DNM3: variants seen among roughly 807,000 people sequenced by gnomAD.
The protein encoded by DNM3 is dynamin-3.
DNM3 carries 47 observed loss-of-function variants against 101.6 expected under a neutral mutation model. That is an observed-to-expected ratio of 0.46 (90% CI 0.37 to 0.59). The LOEUF (loss-of-function observed/expected upper bound fraction) is 0.59, where lower values mean the gene tolerates loss of function less well. Ranked by LOEUF, DNM3 falls within the 20% of genes least tolerant of loss-of-function variation. The pLI, the probability that DNM3 is intolerant of heterozygous loss-of-function variation, is 0.00. For synonymous variants in DNM3, 385 were observed against 387.9 expected (o/e 0.99, Z 0.09); for missense variants, 849 against 1,085.7 (o/e 0.78, Z 3.06).
chr1:172,241,411 T>C (rs886879009), intron 14 of DNM3, among the ~76,000 whole-genome samples: 7 of 152,090 alleles, frequency 4.6e-5, no homozygotes, highest in African/African-American at 1.7e-4. Flanking sequence ...TGCAGGGTAA[T>C]GCCATTGTTC....
At chr1:172,326,482 A>G (rs966924172) in intron 17 of DNM3, among the ~76,000 whole-genome samples, 58 of 152,160 alleles carry the variant, frequency 3.8e-4, no homozygotes, top group African/African-American at 1.3e-3. Flanking sequence ...TGTTTTTTAA[A>G]CTTGTTTCTT....
intron 14 of DNM3, chr1:172,136,909 A>G (rs1361853029): frequency 3.9e-5 from 6 of 151,950 alleles, no homozygotes; most frequent in African/African-American, 1.4e-4. Flanking sequence ...TCTTTCAAGC[A>G]TTTTTTTTGA....
intron 11 of DNM3, among the ~76,000 whole-genome samples, chr1:172,069,187 T>C (rs910299433): frequency 1.3e-5 from 2 of 152,206 alleles, no homozygotes; most frequent in African/African-American, 4.8e-5. Context: ...CAATGCTCCA[T>C]GGATCATGCA....
chr1:172,377,437 G>C (rs1198173114), intron 17 of DNM3, among the ~76,000 whole-genome samples: 2 of 151,412 alleles, frequency 1.3e-5, no homozygotes, highest in East Asian at 1.9e-4. Context: ...GAATGTTTTA[G>C]ATCAGAGAGA....
intron 14 of DNM3, among the ~76,000 whole-genome samples, chr1:172,239,896 G>T (rs774813087): frequency 2.3e-5 from 3 of 132,908 alleles, no homozygotes; most frequent in Non-Finnish European, 4.6e-5. Flanking sequence ...TTTTTTCCCT[G>T]TCCAAAGCCC....
Position 171,890,613 on chromosome 1 carries a change from A to C in DNM3, c.162-31135A>C, listed in dbSNP as rs1001846042. Among the ~76,000 whole-genome samples, 20 of 152,200 alleles carry C rather than the reference A, an allele frequency of 1.3e-4. 1 individual carries two copies. Among genetic ancestry groups the C allele is most frequent in the Non-Finnish European group, 1.5e-5 (1 of 68,024 alleles). On this transcript the variant is annotated intron_variant, in intron 1 of 20. Coordinates refer to ENST00000627582, the MANE Select transcript of DNM3 (RefSeq NM_015569.5). ...ACTTCCACTGGGAAAAGATATCATT[A>C]AGTTGTTTTTTTTTGTTGATACTGT...
chr1:172,066,037 A>G lies in DNM3; in HGVS notation c.1336-2782A>G, dbSNP rs577079426. Reference sequence around the variant, plus strand: ...TGCTATAAAGGTAATGTGCACAGTGACCTCAGGTGACCATACAGAAGCCCC... The same window carrying G: ...TGCTATAAAGGTAATGTGCACAGTGGCCTCAGGTGACCATACAGAAGCCCC... On this transcript the variant is annotated intron_variant, in intron 10 of 20. Coordinates refer to ENST00000627582, the MANE Select transcript of DNM3 (RefSeq NM_015569.5). Among the ~76,000 whole-genome samples, 9 of 152,288 alleles carry G rather than the reference A, an allele frequency of 5.9e-5. No individual in the cohort carries two copies. The East Asian group carries it at 1.7e-3, about 29-fold the overall frequency.
chr1:172,202,827 G>A (rs1197155373), intron 14 of DNM3, among the ~76,000 whole-genome samples: 1 of 152,196 alleles, frequency 6.6e-6, no homozygotes, highest in East Asian at 1.9e-4. Context: ...TTTTAATGTT[G>A]GACTGTAGAC....
intron 1 of DNM3, among the ~76,000 whole-genome samples, chr1:171,911,915 G>T (rs1430109256): frequency 6.6e-6 from 1 of 152,090 alleles, no homozygotes; most frequent in African/African-American, 2.4e-5. Context: ...TCATGTATGG[G>T]CTTCGTGGAG....
chr1:171,862,706 TC>T (rs1229517120), intron 1 of DNM3, among the ~76,000 whole-genome samples: 1 of 152,120 alleles, frequency 6.6e-6, no homozygotes, highest in Non-Finnish European at 1.5e-5. Flanking sequence ...AAATTATACT[TC>T]CAAAGGGTGA....
chr1:172,074,088 T>A (rs1345194905), intron 11 of DNM3, among the ~76,000 whole-genome samples: 69 of 152,130 alleles, frequency 4.5e-4, no homozygotes, highest in Non-Finnish European at 1.5e-5. Flanking sequence ...ATTATCATGA[T>A]GTTTCAGGCA....
intron 14 of DNM3, among the ~76,000 whole-genome samples, chr1:172,149,995 G>A (rs753208144): frequency 5.3e-5 from 8 of 152,098 alleles, no homozygotes; most frequent in Non-Finnish European, 1.0e-4. Flanking sequence ...GTAATGATAG[G>A]CATACTTGCG....
rs1184550550 is a variant in DNM3, at chr1:172,094,102, C to T, written c.1545+1227C>T. On this transcript the variant is annotated intron_variant, in intron 13 of 20. Transcript: ENST00000627582. ...ATGAGGTGTAAGCCTTTCTCTTCCC[C>T]TTGTATGGTAATATTTCCAATAAAT... is the stretch of plus-strand genomic sequence containing the variant. 2.6e-5 allele frequency among the ~76,000 whole-genome samples: 4 copies of T among 152,020 alleles called. No individual in the cohort carries two copies. In the East Asian group the frequency reaches 5.8e-4, roughly 22 times the overall value.
At chr1:171,894,275 T>G (rs2037562716) in intron 1 of DNM3, among the ~76,000 whole-genome samples, 1 of 152,226 alleles carries the variant, frequency 6.6e-6, no homozygotes, top group South Asian at 2.1e-4. Flanking sequence ...TTCCTGTCTG[T>G]GATTCCTCCC....
rs765909922 is a variant in DNM3 at position 172,038,394 on chromosome 1, C to T, written c.925C>T (p.His309Tyr). 1 of 1,613,452 alleles carries T rather than the reference C, an allele frequency of 6.2e-7. No individual in the cohort carries two copies. Among genetic ancestry groups the T allele is most frequent in the Non-Finnish European group, 8.5e-7 (1 of 1,179,582 alleles). ...ACAGGGACAGTTGCTCTCCATAGAA[C>T]ATGAAGTAGAAGCCTACAAAAATTT... ...KLQGQLLSIE[H>Y]EVEAYKNFKP... The change falls in exon 7 of 21, where the codon CAT becomes TAT. Residue 309 changes from histidine (H) to tyrosine (Y), a missense_variant. By Grantham distance (83) the His-to-Tyr change is moderately conservative. This residue lies in a region of DNM3 where 388 missense variants were observed against 483.0 expected (regional missense o/e 0.80). Coordinates refer to ENST00000627582, the MANE Select transcript of DNM3 (RefSeq NM_015569.5).
chr1:172,236,291 G>A (rs1228722802), intron 14 of DNM3, among the ~76,000 whole-genome samples: 1 of 152,024 alleles, frequency 6.6e-6, no homozygotes. Context: ...TCATGTCAAG[G>A]AAAACTTCCT....
At chr1:172,395,948 T>A (rs933098449) in intron 20 of DNM3, among the ~76,000 whole-genome samples, 1 of 152,132 alleles carries the variant, frequency 6.6e-6, no homozygotes, top group Admixed American at 6.5e-5. Context: ...CATTAAGTAT[T>A]TACATCAAGT....
chr1:171,949,715 C>T (rs1245938920), intron 2 of DNM3, among the ~76,000 whole-genome samples: 2 of 152,028 alleles, frequency 1.3e-5, no homozygotes, highest in African/African-American at 2.4e-5. Context: ...TGCACCTGGC[C>T]TCACAATGAT....
rs934519077 is a variant in DNM3, at chr1:172,034,768, C to T, written c.849+1503C>T. Reference sequence around the variant, plus strand: ...TGGAAAATGCTGGAAAATGACATGACGTTTTTGAAAAATTGAATGAAATTT... The same window carrying T: ...TGGAAAATGCTGGAAAATGACATGATGTTTTTGAAAAATTGAATGAAATTT... On this transcript the variant is annotated intron_variant, in intron 6 of 20. Transcript: ENST00000627582. Among the ~76,000 whole-genome samples, 7 of 151,986 alleles carry T rather than the reference C, an allele frequency of 4.6e-5. No individual in the cohort carries two copies. In the East Asian group the frequency reaches 7.7e-4, roughly 17 times the overall value.
Sources: gnomAD v4.1 joint callset for allele counts (sites outside exome capture counted in the v4.1 genomes callset) on GRCh38, gnomAD v4.1.1 for gene constraint, gnomAD v4.1.1 regional missense constraint, MANE v1.5 for transcripts, NCBI Gene and HGNC (gene_info 2026-07-23, HGNC 2026-07-21) for gene names.